CDC42EP4: variants seen among roughly 807,000 people sequenced by gnomAD.
CDC42EP4 encodes the protein CDC42 effector protein 4.
CDC42EP4 carries 6 observed loss-of-function variants against 5.6 expected under a neutral mutation model. That is an observed-to-expected ratio of 1.07 (90% CI 0.59 to 2.12). The LOEUF (loss-of-function observed/expected upper bound fraction) is 2.12. CDC42EP4 is among the 30% of genes most tolerant of loss of function. The pLI is 0.00. For missense variants in CDC42EP4, 490 were observed against 508.6 expected (o/e 0.96, Z 0.35); for synonymous variants, 230 against 224.2 (o/e 1.03, Z -0.23).
intron 1 of CDC42EP4, among the ~76,000 whole-genome samples, chr17:73,304,420 G>A (rs1343246152): frequency 6.6e-6 from 1 of 151,782 alleles, no homozygotes; most frequent in Non-Finnish European, 1.5e-5. Context: ...GTGCTGGGAC[G>A]ATAAACTTTG....
intron 1 of CDC42EP4, among the ~76,000 whole-genome samples, chr17:73,292,918 A>T (rs2062168249): frequency 6.6e-6 from 1 of 152,200 alleles, no homozygotes; most frequent in African/African-American, 2.4e-5. Context: ...AGGTTTCACC[A>T]TGTTGGCTAG....
chr17:73,300,140 G>A (rs372805335), intron 1 of CDC42EP4, among the ~76,000 whole-genome samples: 15 of 152,160 alleles, frequency 9.9e-5, no homozygotes, highest in Non-Finnish European at 1.6e-4. Flanking sequence ...CTGCCCGCGT[G>A]CCAATCCATG....
At chr17:73,310,530 G>A (rs1428488066) in intron 1 of CDC42EP4, among the ~76,000 whole-genome samples, 1 of 152,072 alleles carries the variant, frequency 6.6e-6, no homozygotes, top group Middle Eastern at 3.2e-3. Context: ...AGTGGGCACC[G>A]GGCACACAGT....
chr17:73,310,743 TCA>T (rs57841496), intron 1 of CDC42EP4: 11,605 of 134,248 alleles, frequency 0.086, 581 homozygotes, highest in African/African-American at 0.12. Flanking sequence ...CCTCCCCCAG[TCA>T]CACACACACA....
Position 73,286,559 on chromosome 17 carries a change from A to G in CDC42EP4, c.-59T>C. The G allele has an allele frequency of 7.4e-7, 1 of 1,352,256 alleles. No individual in the cohort carries two copies. Among genetic ancestry groups the G allele is most frequent in the Non-Finnish European group, 1.0e-6 (1 of 996,206 alleles). 83.8% of individuals were successfully genotyped at this position (1,352,256 alleles called of 1,614,324 possible). On this transcript the variant is annotated 5_prime_UTR_variant, in exon 2 of 2. Transcript: ENST00000335793. This position sits in a 1 kb window ranked among gnomAD's most constrained non-coding sequence, Gnocchi z 7.7. ...AGGTAGCCGGCAGGTCTGGGGTCAG[A>G]TCTGAAGTCCAAGTCCAGTGGGCAG...
At chr17:73,289,396 G>T (rs1004457408) in intron 1 of CDC42EP4, among the ~76,000 whole-genome samples, 2 of 152,118 alleles carry the variant, frequency 1.3e-5, no homozygotes, top group Admixed American at 1.3e-4. Context: ...GCATGGCTAT[G>T]TTCCAATAAC....
At chr17:73,295,440 G>A (rs998932500) in intron 1 of CDC42EP4, among the ~76,000 whole-genome samples, 1 of 152,128 alleles carries the variant, frequency 6.6e-6, no homozygotes, top group Non-Finnish European at 1.5e-5. Context: ...AAGAGAAGAG[G>A]GAAGGACCTT....
intron 1 of CDC42EP4, among the ~76,000 whole-genome samples, chr17:73,299,741 G>C (rs757256881): frequency 1.4e-4 from 22 of 152,170 alleles, no homozygotes; most frequent in Non-Finnish European, 2.6e-4. Context: ...GGAGCAGGGT[G>C]GGGTAGGAAG....
In CDC42EP4 at chr17:73,284,337, A is replaced by G. The variant is rs1233956126; in HGVS notation, c.*1093T>C. 1 of 152,130 alleles carries G rather than the reference A, an allele frequency of 6.6e-6. No homozygotes were observed. The highest frequency in any genetic ancestry group is 1.5e-5 in the Non-Finnish European group (1 of 68,034). 9.4% of individuals were successfully genotyped at this position (152,130 alleles called of 1,614,324 possible). A position where few individuals can be genotyped will look rare whatever the true frequency, so the allele number is the denominator to read the frequency against. ...AAAAGAAAAAAAAGGCTTTCCCCCCATAGGAATGATATATTATTTAAAAAA... is the reference window on the plus strand; with the variant it reads ...AAAAGAAAAAAAAGGCTTTCCCCCCGTAGGAATGATATATTATTTAAAAAA... On this transcript the variant is annotated 3_prime_UTR_variant, in exon 2 of 2. Transcript: ENST00000335793.
At chr17:73,304,825 C>G (rs1372755433) in intron 1 of CDC42EP4, among the ~76,000 whole-genome samples, 1 of 152,168 alleles carries the variant, frequency 6.6e-6, no homozygotes, top group Admixed American at 6.5e-5. Flanking sequence ...CCCCACCACT[C>G]CAGGGAACTT....
intron 1 of CDC42EP4, among the ~76,000 whole-genome samples, chr17:73,294,746 C>CCACA (rs374824297): frequency 2.0e-5 from 3 of 151,902 alleles, no homozygotes; most frequent in African/African-American, 4.8e-5. Context: ...CACACACACA[C>CCACA]CACACACACA....
intron 1 of CDC42EP4, chr17:73,311,089 C>G (rs2062272392): frequency 6.6e-6 from 1 of 152,218 alleles, no homozygotes. Context: ...TCGGGGCGCA[C>G]TAGCCCAGGA....
chr17:73,283,629 T>C lies in CDC42EP4; in HGVS notation c.*1801A>G, dbSNP rs942877299. On this transcript the variant is annotated 3_prime_UTR_variant, in exon 2 of 2. Coordinates refer to ENST00000335793, the MANE Select transcript of CDC42EP4 (RefSeq NM_012121.5). The stretch of plus-strand genomic sequence containing the variant: ...GCAGAGACAGACACCAGGCGTGCTT[T>C]AGGGCTTTTTTTTTAATGTTTCCTC... The C allele has an allele frequency of 2.3e-4, 31 of 133,754 alleles. No individual in the cohort carries two copies. The highest frequency in any genetic ancestry group is 8.4e-4 in the African/African-American group (30 of 35,588). 8.3% of individuals were successfully genotyped at this position (133,754 alleles called of 1,614,324 possible).
At chr17:73,307,450 T>TTC in intron 1 of CDC42EP4, 1 of 147,748 alleles carries the variant, frequency 6.8e-6, no homozygotes, top group African/African-American at 2.5e-5. Context: ...TTTCTTTCTT[T>TTC]TTTTTTTTTT....
chr17:73,286,299 G>C lies in CDC42EP4; in HGVS notation c.202C>G (p.Gln68Glu). The C allele has an allele frequency of 6.2e-7, 1 of 1,614,208 alleles. No homozygotes were observed. Reference sequence around the variant, plus strand: ...CGTTTGGAAGATGAAGAAGAGGGCTGTTCGTCCAAGGACTCGCCGTCGGGC... The same window carrying C: ...CGTTTGGAAGATGAAGAAGAGGGCTCTTCGTCCAAGGACTCGCCGTCGGGC... ...GEPDGESLDE[Q>E]PSSSSSKRSL... The change falls in exon 2 of 2, where the codon CAG (glutamine) becomes GAG (glutamate). Residue 68 changes from glutamine (Q) to glutamate (E), a missense_variant. Gln to Glu is a conservative substitution (Grantham distance 29). Coordinates refer to ENST00000335793, the MANE Select transcript of CDC42EP4 (RefSeq NM_012121.5). This position sits in a 1 kb window ranked among gnomAD's most constrained non-coding sequence, Gnocchi z 7.7.
chr17:73,285,496 G>A lies in CDC42EP4; in HGVS notation c.1005C>T (p.Val335=). ...AGAACTCCTTGTCTGGCTGTCTTGA[G>A]ACAGCAGCCCGGGCCCTGTCCGGCC... The part of the protein sequence containing the change: ...FRGPDRARAA[V]SRQPDKEFSF... The change falls in exon 2 of 2, where the codon GTC becomes GTT. Residue 335 remains valine, a synonymous_variant. Transcript: ENST00000335793. The surrounding 1 kb of genome is among the most constrained non-coding windows in gnomAD (Gnocchi z 6.8). 1 of 1,600,260 alleles carries A rather than the reference G, an allele frequency of 6.2e-7. No homozygotes were observed.
Position 73,297,001 on chromosome 17 carries a change from A to AAAAAAAAAAAAAAAAAACAC in CDC42EP4, c.-112-10390_-112-10389insGTGTTTTTTTTTTTTTTTTT, listed in dbSNP as rs547362762. On this transcript the variant is annotated intron_variant, in intron 1 of 1. Transcript: ENST00000335793. ...GTCTCAAAAAAAAAAAAAAAAAAAA[A>AAAAAAAAAAAAAAAAAACAC]AAATACACAAGGCCAAGCGCCGTGG... is the stretch of plus-strand genomic sequence containing the variant. Among the ~76,000 whole-genome samples, 26 of 61,768 alleles carry AAAAAAAAAAAAAAAAAACAC rather than the reference A, an allele frequency of 4.2e-4. 6 individuals carry two copies. The highest frequency in any genetic ancestry group is 6.9e-4 in the Admixed American group (3 of 4,334). 40.5% of individuals were successfully genotyped at this position (61,768 alleles called of 152,430 possible). A position where few individuals can be genotyped will look rare whatever the true frequency, so the allele number is the denominator to read the frequency against.
chr17:73,310,904 A>G (rs924793634), intron 1 of CDC42EP4: 1 of 151,772 alleles, frequency 6.6e-6, no homozygotes, highest in Non-Finnish European at 1.5e-5. Context: ...CCCCGCGGGC[A>G]GGATGGCTCC....
At chr17:73,299,454 CACACA>C (rs2062207138) in intron 1 of CDC42EP4, among the ~76,000 whole-genome samples, 1 of 145,766 alleles carries the variant, frequency 6.9e-6, no homozygotes, top group East Asian at 2.0e-4. Flanking sequence ...TACACACACA[CACACA>C]CACACACACA....
Sources: gnomAD v4.1 joint callset for allele counts (sites outside exome capture counted in the v4.1 genomes callset) on GRCh38, gnomAD v4.1.1 for gene constraint, Gnocchi (gnomAD v3.1) non-coding constraint, MANE v1.5 for transcripts, NCBI Gene and HGNC (gene_info 2026-07-23, HGNC 2026-07-21) for gene names.